EPHA7: variants seen among roughly 807,000 people sequenced by gnomAD.
EPHA7 encodes the protein EPH receptor A7.
A neutral mutation model predicts 112.6 loss-of-function variants in EPHA7; 25 were observed. The observed-to-expected ratio is 0.22, with a 90% confidence interval of 0.16 to 0.31. EPHA7 has a LOEUF of 0.31. EPHA7 is among the 10% of genes least tolerant of loss of function. EPHA7 has a pLI of 1.00. For synonymous variants in EPHA7, 437 were observed against 406.5 expected (o/e 1.07, Z -0.90); for missense variants, 962 against 1,212.6 (o/e 0.79, Z 3.07).
chr6:93,264,590 C>T lies in EPHA7; in HGVS notation c.1742+4G>A. On this transcript the variant is annotated splice_donor_region_variant and intron_variant, in intron 8 of 16. Transcript: ENST00000369303. ...TTAGAGATTAGAACAACTTTGTGTT[C>T]TACCTTCTCCCAATGATGAAGCCAA... The T allele has an allele frequency of 6.3e-7, 1 of 1,581,728 alleles. No homozygotes were observed. The highest frequency in any genetic ancestry group is 8.7e-7 in the Non-Finnish European group (1 of 1,155,174).
rs867835943 is a variant in EPHA7, at chr6:93,410,412, C to G, written c.832+89G>C. ...TTGCGCTTCTGGTACAGAGCAGATT[C>G]ACGTATTCAAATAACTATTAAAGTT... On this transcript the variant is annotated intron_variant, in intron 3 of 16. Coordinates refer to ENST00000369303, the MANE Select transcript of EPHA7 (RefSeq NM_004440.4). This position sits in a 1 kb window ranked among gnomAD's most constrained non-coding sequence, Gnocchi z 4.0. 12 of 1,209,530 alleles carry G rather than the reference C, an allele frequency of 9.9e-6. No individual in the cohort carries two copies. The highest frequency in any genetic ancestry group is 9.1e-5 in the African/African-American group (6 of 65,960). The allele number at this position is 1,209,530 out of a possible 1,614,324, so 74.9% of individuals were successfully genotyped here.
chr6:93,247,533 T>C lies in EPHA7; in HGVS notation c.2533-548A>G, dbSNP rs558305883. On this transcript the variant is annotated intron_variant, in intron 14 of 16. Coordinates refer to ENST00000369303, the MANE Select transcript of EPHA7 (RefSeq NM_004440.4). The stretch of plus-strand genomic sequence containing the variant: ...CAGTAGTTGTAAGACAGGAGCGAGG[T>C]TGTACTGGTTTATGAGTGGCGACTG... Among the ~76,000 whole-genome samples, 8 of 152,042 alleles carry C rather than the reference T, an allele frequency of 5.3e-5. No individual in the cohort carries two copies. In the South Asian group the frequency reaches 6.2e-4, roughly 12 times the overall value.
At chr6:93,283,527 A>G (rs1771884943) in intron 5 of EPHA7, among the ~76,000 whole-genome samples, 1 of 152,076 alleles carries the variant, frequency 6.6e-6, no homozygotes, top group Admixed American at 6.5e-5. Flanking sequence ...GAAGGTCTGC[A>G]GCTTCACTCC....
intron 4 of EPHA7, among the ~76,000 whole-genome samples, 158 bp downstream of exon 4, chr6:93,358,098 T>C (rs897115525): frequency 5.9e-5 from 9 of 152,154 alleles, no homozygotes; most frequent in Admixed American, 4.6e-4. Flanking sequence ...ACCTATCTGC[T>C]TATGAAAGAA....
At chr6:93,270,720 C>A (rs1162342947) in intron 6 of EPHA7, among the ~76,000 whole-genome samples, 1 of 151,644 alleles carries the variant, frequency 6.6e-6, no homozygotes, top group East Asian at 1.9e-4. Flanking sequence ...TTGATTCACT[C>A]AAACTGATCT....
chr6:93,243,775 T>G (rs1239552563), intron 16 of EPHA7, among the ~76,000 whole-genome samples: 2 of 152,136 alleles, frequency 1.3e-5, no homozygotes, highest in East Asian at 3.9e-4. Context: ...AATTCACTTT[T>G]AAAGTGATTT....
In EPHA7 at chr6:93,361,478, T is replaced by G. The variant is rs146214069; in HGVS notation, c.833-3067A>C. On this transcript the variant is annotated intron_variant, in intron 3 of 16. Transcript: ENST00000369303. Reference sequence around the variant, plus strand: ...TAACATTAGAAATTGTGATAAGATATCTACACGAAATACTTAGAGTTAAAT... The same window carrying G: ...TAACATTAGAAATTGTGATAAGATAGCTACACGAAATACTTAGAGTTAAAT... 2.2e-3 allele frequency among the ~76,000 whole-genome samples: 328 copies of G among 152,128 alleles called. 4 individuals are homozygous for G. The highest frequency in any genetic ancestry group is 7.7e-3 in the African/African-American group (318 of 41,532).
At chr6:93,321,598 G>A (rs1050170259) in intron 5 of EPHA7, among the ~76,000 whole-genome samples, 1 of 151,856 alleles carries the variant, frequency 6.6e-6, no homozygotes, top group African/African-American at 2.4e-5. Flanking sequence ...AAATTTCACT[G>A]ACAAATTTAG....
intron 9 of EPHA7, among the ~76,000 whole-genome samples, chr6:93,263,122 ACAT>A (rs1489692378): frequency 2.6e-5 from 4 of 151,384 alleles, no homozygotes; most frequent in African/African-American, 4.8e-5. Context: ...AAAGGTAAGA[ACAT>A]CATCAACTAT....
At chr6:93,393,004 C>A (rs1440322942) in intron 3 of EPHA7, among the ~76,000 whole-genome samples, 5 of 151,726 alleles carry the variant, frequency 3.3e-5, no homozygotes, top group Non-Finnish European at 7.4e-5. Flanking sequence ...TTCACAGGAT[C>A]ATGAAACTAA....
At chr6:93,334,213 C>A (rs1166702958) in intron 5 of EPHA7, among the ~76,000 whole-genome samples, 3 of 151,950 alleles carry the variant, frequency 2.0e-5, no homozygotes, top group African/African-American at 7.2e-5. Context: ...AGGACTGAAG[C>A]TGGACCCCCT....
chr6:93,246,938 G>A lies in EPHA7; in HGVS notation c.2580C>T (p.Asp860=), dbSNP rs113927523. The A allele has an allele frequency of 1.2e-6, 2 of 1,610,694 alleles. No individual in the cohort carries two copies. The highest frequency in any genetic ancestry group is 1.7e-6 in the Non-Finnish European group (2 of 1,177,424). The change falls in exon 15 of 17, where the codon GAC becomes GAT. Residue 860 remains aspartate, a synonymous_variant. Transcript: ENST00000369303. The part of the protein sequence containing the change: ...EEGYRLPAPM[D]CPAGLHQLML... ...TTAGCTGGTGAAGGCCAGCTGGGCA[G>A]TCCATGGGTGCTGGTAAACGATAAC...
chr6:93,298,647 CA>C (rs943266809), intron 5 of EPHA7, among the ~76,000 whole-genome samples: 2 of 152,014 alleles, frequency 1.3e-5, no homozygotes, highest in Non-Finnish European at 2.9e-5. Context: ...AGCCTTAAAC[CA>C]AGTAGTAATC....
chr6:93,262,972 CA>C (rs1160701907), intron 9 of EPHA7, among the ~76,000 whole-genome samples: 1 of 151,256 alleles, frequency 6.6e-6, no homozygotes, highest in Non-Finnish European at 1.5e-5. Context: ...AATAACACAA[CA>C]AAAGATACAA....
chr6:93,272,549 C>CTTT, intron 5 of EPHA7, 127 bp from the exon 6 acceptor site: 5 of 1,069,072 alleles, frequency 4.7e-6, no homozygotes, highest in Non-Finnish European at 6.7e-6. Flanking sequence ...CTTTTCATAG[C>CTTT]TCACAATTCA....
chr6:93,318,187 G>A (rs894843179), intron 5 of EPHA7, among the ~76,000 whole-genome samples: 1 of 152,076 alleles, frequency 6.6e-6, no homozygotes, highest in East Asian at 1.9e-4. Context: ...CACAGAGCTT[G>A]GTATATAATA....
At chr6:93,354,643 A>AC (rs1359779417) in intron 5 of EPHA7, among the ~76,000 whole-genome samples, 2 of 150,682 alleles carry the variant, frequency 1.3e-5, no homozygotes, top group Non-Finnish European at 3.0e-5. Flanking sequence ...CAAAAAAAAA[A>AC]AAAAAACCCT....
intron 5 of EPHA7, among the ~76,000 whole-genome samples, chr6:93,276,322 A>C (rs776258515): frequency 2.6e-5 from 4 of 152,044 alleles, no homozygotes; most frequent in Admixed American, 2.0e-4. Context: ...AAACATGCAA[A>C]GATACAAGGG....
chr6:93,340,842 GA>G (rs200721214), intron 5 of EPHA7, among the ~76,000 whole-genome samples: 5 of 149,840 alleles, frequency 3.3e-5, no homozygotes, highest in East Asian at 2.0e-4. Flanking sequence ...TACATTGAGA[GA>G]AAAAAAAACA....
Sources: allele counts gnomAD v4.1 joint callset (sites outside exome capture counted in the v4.1 genomes callset), GRCh38; gene constraint gnomAD v4.1.1; non-coding constraint Gnocchi (gnomAD v3.1); transcripts MANE v1.5; gene names NCBI Gene and HGNC (gene_info 2026-07-23, HGNC 2026-07-21).